Variants in MAGI3 observed in about 807,000 individuals in gnomAD.
MAGI3 encodes membrane associated guanylate kinase, WW and PDZ domain containing 3.
A neutral mutation model predicts 121.8 loss-of-function variants in MAGI3; 43 were observed. The observed-to-expected ratio is 0.35, with a 90% CI of 0.28 to 0.46. The LOEUF is 0.46. MAGI3 is among the 20% of genes least tolerant of loss of function. The pLI is 1.00. For missense variants in MAGI3, 1,547 were observed against 1,797.3 expected (o/e 0.86, Z 2.52); for synonymous variants, 553 against 639.3 (o/e 0.86, Z 2.04).
chr1:113,606,634 G>T (rs2799388), intron 6 of MAGI3, among the ~76,000 whole-genome samples: 152,310 of 152,310 alleles, frequency 1, 76,155 homozygotes, highest in Non-Finnish European at 1. Context: ...TTTGAGTCTT[G>T]GTTTTGATTT....
At chr1:113,405,469 T>G (rs1283505480) in intron 1 of MAGI3, among the ~76,000 whole-genome samples, 1 of 60,138 alleles carries the variant, frequency 1.7e-5, no homozygotes, top group African/African-American at 6.8e-5. Flanking sequence ...AGAGTGAAAC[T>G]GTCTCAAAAA....
chr1:113,625,513 A>C (rs903941908), intron 9 of MAGI3, among the ~76,000 whole-genome samples: 2 of 152,198 alleles, frequency 1.3e-5, no homozygotes, highest in Non-Finnish European at 2.9e-5. Context: ...ACTGGCATAT[A>C]GAAAGGCTAC....
chr1:113,685,356 A>G lies in MAGI3; in HGVS notation c.*1342A>G, dbSNP rs1383284227. On this transcript the variant is annotated 3_prime_UTR_variant, in exon 21 of 21. Transcript: ENST00000307546. ...AAATAAAGGCACCTTCTGAGAATAA[A>G]ACTATTTTATGGAGTGTGTGAACAC... 6.6e-6 allele frequency: 1 copy of G among 152,338 alleles called. No individual in the cohort carries two copies. Among genetic ancestry groups the G allele is most frequent in the Non-Finnish European group, 1.5e-5 (1 of 68,022 alleles). The allele number at this position is 152,338 out of a possible 1,614,324, so 9.4% of individuals were successfully genotyped here.
chr1:113,438,941 A>C (rs1653778039), intron 1 of MAGI3, among the ~76,000 whole-genome samples: 1 of 151,686 alleles, frequency 6.6e-6, no homozygotes, highest in Non-Finnish European at 1.5e-5. Context: ...TCCCTTGTTA[A>C]GTTGAGAACT....
chr1:113,549,117 C>T (rs1659657656), intron 1 of MAGI3, among the ~76,000 whole-genome samples: 1 of 152,110 alleles, frequency 6.6e-6, no homozygotes, highest in Admixed American at 6.5e-5. Flanking sequence ...AATATATCTG[C>T]AATATATATG....
chr1:113,537,080 A>G (rs2101649692), intron 1 of MAGI3, among the ~76,000 whole-genome samples: 1 of 152,292 alleles, frequency 6.6e-6, no homozygotes, highest in Admixed American at 6.5e-5. Flanking sequence ...TTACCTTGGT[A>G]CAACTTGGCT....
intron 4 of MAGI3, among the ~76,000 whole-genome samples, chr1:113,589,770 A>C (rs1648584578): frequency 6.6e-6 from 1 of 152,118 alleles, no homozygotes. Flanking sequence ...AACAAGTTTT[A>C]AGTACACGAA....
chr1:113,488,537 G>A (rs1656511731), intron 1 of MAGI3, among the ~76,000 whole-genome samples: 1 of 152,174 alleles, frequency 6.6e-6, no homozygotes, highest in South Asian at 2.1e-4. Context: ...GAGAGTTTCA[G>A]CAGGGTGGTT....
chr1:113,587,317 T>C (rs1411422308), intron 4 of MAGI3, among the ~76,000 whole-genome samples: 1 of 152,202 alleles, frequency 6.6e-6, no homozygotes, highest in Non-Finnish European at 1.5e-5. Flanking sequence ...TGTCTCAGCC[T>C]CCTAAGTAGC....
chr1:113,683,786 A>G lies in MAGI3; in HGVS notation c.4218A>G (p.Leu1406=), dbSNP rs758427858. Residue 1406 remains leucine, a synonymous_variant, in exon 21 of 21, where the codon CTA becomes CTG. Transcript: ENST00000307546. Reference sequence around the variant, plus strand: ...ATAAAATAGGAGAAAATGTCCAGCTATCAGAAAAGAGGCTGAAGCAAGAAC... The same window carrying G: ...ATAAAATAGGAGAAAATGTCCAGCTGTCAGAAAAGAGGCTGAAGCAAGAAC... ...SNDKIGENVQ[L]SEKRLKQEPE... The G allele has an allele frequency of 1.9e-6, 3 of 1,607,120 alleles. No individual in the cohort carries two copies. The highest frequency in any genetic ancestry group is 2.7e-5 in the African/African-American group (2 of 74,816).
rs1337853158 is a variant in MAGI3, at chr1:113,567,095, AG to A, written c.434-13445del. ...AAATTTCTAAAATTAAAAATGAAAA[AG>A]GAGATATTATAACTGATGTCACAGA... is the stretch of plus-strand genomic sequence containing the variant. On this transcript the variant is annotated intron_variant, in intron 2 of 20. Coordinates refer to ENST00000307546, the MANE Select transcript of MAGI3 (RefSeq NM_001142782.2). Among the ~76,000 whole-genome samples the A allele has an allele frequency of 3.3e-5, 5 of 152,110 alleles. No homozygotes were observed. The East Asian group carries it at 7.7e-4, about 23-fold the overall frequency.
At chr1:113,412,738 T>A (rs1652069118) in intron 1 of MAGI3, among the ~76,000 whole-genome samples, 1 of 152,170 alleles carries the variant, frequency 6.6e-6, no homozygotes, top group South Asian at 2.1e-4. Context: ...TTTTTTTTCT[T>A]GTAAATTTGT....
chr1:113,550,495 T>G (rs994571581), intron 2 of MAGI3, among the ~76,000 whole-genome samples: 2 of 151,042 alleles, frequency 1.3e-5, no homozygotes, highest in Non-Finnish European at 3.0e-5. Context: ...AATTTAAGAT[T>G]ATATAATCCC....
intron 6 of MAGI3, among the ~76,000 whole-genome samples, chr1:113,612,088 C>T (rs1308977890): frequency 1.3e-5 from 2 of 151,934 alleles, no homozygotes; most frequent in Non-Finnish European, 1.5e-5. Context: ...GGACTACAGG[C>T]GTGCACCACC....
At position 113,622,802 on chromosome 1, in the gene MAGI3, A is replaced by G; in HGVS notation, c.1172-4A>G. ...TCTCAAACCCACTTCTCATTTTGGC[A>G]CAGATATGGAAAAATCACACTTCAC... is the stretch of plus-strand genomic sequence containing the variant. On this transcript the variant is annotated splice_polypyrimidine_tract_variant and splice_region_variant and intron_variant, in intron 8 of 20. Transcript: ENST00000307546. The G allele has an allele frequency of 6.4e-7, 1 of 1,563,488 alleles. No individual in the cohort carries two copies. The highest frequency in any genetic ancestry group is 8.6e-7 in the Non-Finnish European group (1 of 1,163,710).
intron 9 of MAGI3, among the ~76,000 whole-genome samples, chr1:113,628,332 A>G (rs1651371351): frequency 1.3e-5 from 2 of 152,078 alleles, no homozygotes; most frequent in South Asian, 2.1e-4. Context: ...ATTTAACTTC[A>G]TCCCTTCCTT....
intron 1 of MAGI3, among the ~76,000 whole-genome samples, chr1:113,522,481 C>T (rs781210998): frequency 6.6e-6 from 1 of 152,206 alleles, no homozygotes; most frequent in Non-Finnish European, 1.5e-5. Flanking sequence ...TTTTTTACCA[C>T]AATTTATACA....
intron 16 of MAGI3, among the ~76,000 whole-genome samples, chr1:113,662,684 G>T (rs973401054): frequency 1.3e-5 from 2 of 152,000 alleles, no homozygotes; most frequent in Non-Finnish European, 2.9e-5. Flanking sequence ...TATGTTTTAT[G>T]TACTGCATTT....
At chr1:113,508,996 T>C (rs942638123) in intron 1 of MAGI3, among the ~76,000 whole-genome samples, 1 of 152,224 alleles carries the variant, frequency 6.6e-6, no homozygotes, top group African/African-American at 2.4e-5. Context: ...GGTGGTATTA[T>C]TTAGAAACCA....
Sources: allele counts gnomAD v4.1 joint callset (sites outside exome capture counted in the v4.1 genomes callset), GRCh38; gene constraint gnomAD v4.1.1; transcripts MANE v1.5; gene names NCBI Gene and HGNC (gene_info 2026-07-23, HGNC 2026-07-21).